Variants in RBM20 observed in about 807,000 individuals in gnomAD.
RBM20 encodes the protein RNA binding motif protein 20, also known as RNA-binding protein 20.
Under a neutral mutation model 110.1 loss-of-function variants are expected in RBM20, and 51 were observed. The ratio of observed to expected loss-of-function variants is 0.46; its 90% CI spans 0.37 to 0.59. The LOEUF (loss-of-function observed/expected upper bound fraction) is 0.59. Ranked by LOEUF, RBM20 falls within the 20% of genes least tolerant of loss-of-function variation. The probability of loss-of-function intolerance (pLI) is 0.00; values close to 1 mark genes in which losing one functional copy is unlikely to be tolerated. For synonymous variants in RBM20, 589 were observed against 618.2 expected (o/e 0.95, Z 0.70); for missense variants, 1,512 against 1,574.9 (o/e 0.96, Z 0.68).
At chr10:110,689,952 T>C (rs1862563881) in intron 1 of RBM20, among the ~76,000 whole-genome samples, 1 of 152,200 alleles carries the variant, frequency 6.6e-6, no homozygotes, top group Non-Finnish European at 1.5e-5. Flanking sequence ...TTTAAGTGCT[T>C]CCAGAAAATG....
At chr10:110,802,753 A>G (rs1844645555) in intron 7 of RBM20, among the ~76,000 whole-genome samples, 1 of 152,210 alleles carries the variant, frequency 6.6e-6, no homozygotes, top group Admixed American at 6.5e-5. Flanking sequence ...GCCAGGTGCC[A>G]TGGAGGGAGA....
At chr10:110,721,234 G>A (rs1422638958) in intron 1 of RBM20, among the ~76,000 whole-genome samples, 1 of 152,186 alleles carries the variant, frequency 6.6e-6, no homozygotes, top group Non-Finnish European at 1.5e-5. Context: ...ATTTCCATGA[G>A]GAGAGAGACT....
In RBM20 at chr10:110,821,352, G is replaced by T. The variant is rs1385249898; in HGVS notation, c.2733G>T (p.Val911=). 1 of 1,551,614 alleles carries T rather than the reference G, an allele frequency of 6.4e-7. No individual in the cohort carries two copies. The highest frequency in any genetic ancestry group is 8.7e-7 in the Non-Finnish European group (1 of 1,146,994). The part of the protein sequence containing the change: ...YPTNMEELVT[V]DEVGEEEDFI... ...CTAACATGGAGGAGCTGGTGACAGT[G>T]GACGAGGTTGGGGAAGAAGAAGATT... is the stretch of plus-strand genomic sequence containing the variant. Residue 911 remains valine, a synonymous_variant, in exon 11 of 14, where the codon GTG becomes GTT. Coordinates refer to ENST00000369519, the MANE Select transcript of RBM20 (RefSeq NM_001134363.3).
chr10:110,721,597 G>A (rs1193153317), intron 1 of RBM20, among the ~76,000 whole-genome samples: 2 of 152,076 alleles, frequency 1.3e-5, no homozygotes, highest in Non-Finnish European at 2.9e-5. Context: ...TGACCACAGG[G>A]CAAATCAGCA....
intron 5 of RBM20, among the ~76,000 whole-genome samples, chr10:110,788,535 A>G (rs564510550): frequency 6.6e-6 from 1 of 152,196 alleles, no homozygotes; most frequent in South Asian, 2.1e-4. Context: ...CAACCCCTAC[A>G]TTGTCAGTGG....
chr10:110,827,485 T>C (rs894208751), intron 12 of RBM20, among the ~76,000 whole-genome samples: 1 of 152,094 alleles, frequency 6.6e-6, no homozygotes, highest in Non-Finnish European at 1.5e-5. Flanking sequence ...CAACACAGTG[T>C]AGGAAAGGCT....
At chr10:110,783,489 A>C (rs1204514592) in intron 3 of RBM20, 62 bp downstream of exon 3, 11 of 1,285,212 alleles carry the variant, frequency 8.6e-6, no homozygotes, top group Non-Finnish European at 1.1e-5. Flanking sequence ...CTGAGCATTT[A>C]CTGTGTGTCA....
Position 110,704,490 on chromosome 10 carries a change from C to T in RBM20, c.191+59845C>T, listed in dbSNP as rs116783167. Among the ~76,000 whole-genome samples, 254 of 152,280 alleles carry T rather than the reference C, an allele frequency of 1.7e-3. 1 individual carries two copies. Among genetic ancestry groups the T allele is most frequent in the African/African-American group, 5.5e-3 (230 of 41,544 alleles). The stretch of plus-strand genomic sequence containing the variant: ...ACTACTTTAATAATTATAAAAAACA[C>T]TTTGTTATTTAAATTTGTACCTCCC... On this transcript the variant is annotated intron_variant, in intron 1 of 13. Transcript: ENST00000369519.
chr10:110,769,695 G>T (rs889948949), intron 1 of RBM20, among the ~76,000 whole-genome samples: 1 of 151,872 alleles, frequency 6.6e-6, no homozygotes, highest in Admixed American at 6.6e-5. Flanking sequence ...AAATACAGGG[G>T]TTACTCAATT....
chr10:110,751,002 C>CAGATGGGATG (rs11282720), intron 1 of RBM20, among the ~76,000 whole-genome samples: 123,345 of 151,710 alleles, frequency 0.81, 50,503 homozygotes, highest in African/African-American at 0.86. Flanking sequence ...CGAAGTGGGG[C>CAGATGGGATG]AGACTAGAGT....
intron 9 of RBM20, among the ~76,000 whole-genome samples, chr10:110,817,251 C>T (rs1844851955): frequency 6.6e-6 from 1 of 152,198 alleles, no homozygotes; most frequent in Non-Finnish European, 1.5e-5. Flanking sequence ...CTACAGCTGC[C>T]ATGCAGGAAC....
intron 1 of RBM20, among the ~76,000 whole-genome samples, chr10:110,704,786 G>A (rs1862811342): frequency 6.6e-6 from 1 of 152,222 alleles, no homozygotes; most frequent in South Asian, 2.1e-4. Flanking sequence ...GGACAGCCAT[G>A]TGGGAGGTGG....
chr10:110,775,093 G>C (rs570109643), intron 1 of RBM20, among the ~76,000 whole-genome samples: 1 of 152,292 alleles, frequency 6.6e-6, no homozygotes, highest in South Asian at 2.1e-4. Flanking sequence ...AGCAGAATGT[G>C]TCATAAAGAC....
At chr10:110,779,079 T>C (rs1315761359) in intron 1 of RBM20, among the ~76,000 whole-genome samples, 1 of 152,238 alleles carries the variant, frequency 6.6e-6, no homozygotes, top group Non-Finnish European at 1.5e-5. Flanking sequence ...TTTCCTAGCA[T>C]AAAACTCCAA....
At chr10:110,780,029 A>G (rs1211960656) in intron 1 of RBM20, among the ~76,000 whole-genome samples, 1 of 152,190 alleles carries the variant, frequency 6.6e-6, no homozygotes, top group Non-Finnish European at 1.5e-5. Context: ...GGCAAATTCA[A>G]GATAATGTTT....
At chr10:110,728,845 C>T (rs951614676) in intron 1 of RBM20, among the ~76,000 whole-genome samples, 4 of 152,110 alleles carry the variant, frequency 2.6e-5, no homozygotes, top group African/African-American at 7.2e-5. Flanking sequence ...GGTATCTTTC[C>T]ACCTCCTCTG....
chr10:110,658,951 G>A (rs1456088807), intron 1 of RBM20, among the ~76,000 whole-genome samples: 1 of 152,036 alleles, frequency 6.6e-6, no homozygotes, highest in Non-Finnish European at 1.5e-5. Flanking sequence ...GCATTTGTCC[G>A]TGCTCTCCTC....
At chr10:110,682,559 G>T (rs185756124) in intron 1 of RBM20, among the ~76,000 whole-genome samples, 13 of 152,254 alleles carry the variant, frequency 8.5e-5, no homozygotes, top group African/African-American at 3.1e-4. Flanking sequence ...TGGTCCTTGG[G>T]CTGTAATCTG....
At chr10:110,788,653 C>T (rs1051823500) in intron 5 of RBM20, among the ~76,000 whole-genome samples, 10 of 152,208 alleles carry the variant, frequency 6.6e-5, no homozygotes, top group Non-Finnish European at 8.8e-5. Context: ...ACCTGAAATG[C>T]GAGAACATTG....
Sources: allele counts gnomAD v4.1 joint callset (sites outside exome capture counted in the v4.1 genomes callset), GRCh38; gene constraint gnomAD v4.1.1; transcripts MANE v1.5; gene names NCBI Gene and HGNC (gene_info 2026-07-23, HGNC 2026-07-21).